Variants in IL5RA observed in about 807,000 individuals in gnomAD.
IL5RA encodes the protein interleukin 5 receptor subunit alpha, also known as interleukin-5 receptor subunit alpha.
In IL5RA, 49 loss-of-function variants were observed where a neutral mutation model predicts 50.0. The ratio of observed to expected loss-of-function variants is 0.98; its 90% confidence interval spans 0.78 to 1.24. The LOEUF (loss-of-function observed/expected upper bound fraction) is 1.24. IL5RA is among the 50% of genes most tolerant of loss of function. IL5RA has a pLI of 0.00. For synonymous variants in IL5RA, 202 were observed against 174.0 expected (o/e 1.16, Z -1.26); for missense variants, 600 against 500.4 (o/e 1.20, Z -1.90).
intron 11 of IL5RA, among the ~76,000 whole-genome samples, chr3:3,072,853 A>C (rs1311394545): frequency 6.6e-6 from 1 of 152,232 alleles, no homozygotes; most frequent in Non-Finnish European, 1.5e-5. Context: ...TGGAGGTTGC[A>C]GTGAGCCGAG....
rs948716476 is a variant in IL5RA at position 3,066,539 on chromosome 3, C to T, written c.*3686G>A. The T allele has an allele frequency of 2.6e-5, 4 of 152,186 alleles. No homozygotes were observed. The highest frequency in any genetic ancestry group is 9.7e-5 in the African/African-American group (4 of 41,438). The allele number at this position is 152,186 out of a possible 1,614,324, so 9.4% of individuals were successfully genotyped here. A position where few individuals can be genotyped will look rare whatever the true frequency, so the allele number is the denominator to read the frequency against. The stretch of plus-strand genomic sequence containing the variant: ...CCTTAGGCTAGCACCAAGTCCTATT[C>T]TAATTAGGTTTTTCACCTTTACTTG... On this transcript the variant is annotated 3_prime_UTR_variant, in exon 12 of 12. Coordinates refer to ENST00000446632, the MANE Select transcript of IL5RA (RefSeq NM_175726.4).
intron 9 of IL5RA, among the ~76,000 whole-genome samples, chr3:3,083,681 A>C (rs1702746326): frequency 6.6e-6 from 1 of 152,302 alleles, no homozygotes; most frequent in Admixed American, 6.5e-5. Flanking sequence ...TATTTTATCA[A>C]CCTGCTAAAG....
At position 3,101,802 on chromosome 3, in the gene IL5RA, C is replaced by A. The variant is rs758033906; in HGVS notation, c.257G>T (p.Cys86Phe). ...AAAGCCTTTGTGGAGGATGGTTACACATTTGCTTTCAGTGATTCTGGTTTC... is the reference window on the plus strand; with the variant it reads ...AAAGCCTTTGTGGAGGATGGTTACAAATTTGCTTTCAGTGATTCTGGTTTC... ...DYETRITESK[C>F]VTILHKGFSA... Residue 86 changes from cysteine to phenylalanine, a missense_variant, in exon 5 of 12, where the codon TGT (cysteine) becomes TTT (phenylalanine). By Grantham distance (205) the Cys-to-Phe change is radical. Coordinates refer to ENST00000446632, the MANE Select transcript of IL5RA (RefSeq NM_175726.4). 6.8e-6 allele frequency: 11 copies of A among 1,613,860 alleles called. No homozygotes were observed. In the East Asian group the frequency reaches 2.5e-4, roughly 36 times the overall value.
chr3:3,099,922 G>A (rs1011536505), intron 5 of IL5RA, among the ~76,000 whole-genome samples: 2 of 152,030 alleles, frequency 1.3e-5, no homozygotes, highest in African/African-American at 2.4e-5. Flanking sequence ...TACCCGCCTC[G>A]GCCTCCCAAA....
chr3:3,075,803 C>T lies in IL5RA; in HGVS notation c.1091+728G>A, dbSNP rs556063103. 8.0e-4 allele frequency among the ~76,000 whole-genome samples: 122 copies of T among 151,942 alleles called. 4 individuals are homozygous for T. In the South Asian group the frequency reaches 0.024, roughly 30 times the overall value. ...TTTTAGTAGAGACGGGGTTTCACCACATTAGCCAGGGTGGTCTCGATCTCC... is the reference window on the plus strand; with the variant it reads ...TTTTAGTAGAGACGGGGTTTCACCATATTAGCCAGGGTGGTCTCGATCTCC... On this transcript the variant is annotated intron_variant, in intron 10 of 11. Transcript: ENST00000446632.
Position 3,092,740 on chromosome 3 carries a change from A to T in IL5RA, c.856-378T>A, listed in dbSNP as rs17886219. Among the ~76,000 whole-genome samples the T allele has an allele frequency of 6.6e-6, 1 of 152,080 alleles. No individual in the cohort carries two copies. The highest frequency in any genetic ancestry group is 1.5e-5 in the Non-Finnish European group (1 of 68,012). ...CTAAATAATGTCACATGAACGCTAGATTGTCTAGTGTTGAAATGAAGCTAT... is the reference window on the plus strand; with the variant it reads ...CTAAATAATGTCACATGAACGCTAGTTTGTCTAGTGTTGAAATGAAGCTAT... On this transcript the variant is annotated intron_variant, in intron 8 of 11. Transcript: ENST00000446632. The surrounding 1 kb of genome is among the most constrained non-coding windows in gnomAD (Gnocchi z 4.2).
intron 5 of IL5RA, 105 bp downstream of exon 5, chr3:3,101,587 A>G: frequency 1.7e-6 from 2 of 1,146,652 alleles, no homozygotes; most frequent in Admixed American, 4.5e-5. Context: ...ACTTGAGAAG[A>G]ACGGGTGACT....
At chr3:3,095,579 C>T in intron 7 of IL5RA, 135 bp from the exon 8 acceptor site, 1 of 719,708 alleles carries the variant, frequency 1.4e-6, no homozygotes, top group Non-Finnish European at 2.3e-6. Flanking sequence ...AGGTCTTAAT[C>T]AACTGATCTC....
chr3:3,093,552 C>T (rs957734063), intron 8 of IL5RA, among the ~76,000 whole-genome samples: 1 of 152,218 alleles, frequency 6.6e-6, no homozygotes, highest in Non-Finnish European at 1.5e-5. Context: ...AACACACGCA[C>T]ACACACGTGC....
rs1448964558 is a variant in IL5RA, at chr3:3,070,270, A to G, written c.1218T>C (p.Tyr406=). The change falls in exon 12 of 12, where the codon TAT becomes TAC. Residue 406 remains tyrosine, a synonymous_variant. Transcript: ENST00000446632. ...GGGTCTCAACTCCAGGCTTCTCTAT[A>G]TAACAGATGACTTCAATTTCCGTCT... ...SSETEIEVIC[Y]IEKPGVETLE... 8 of 1,613,488 alleles carry G rather than the reference A, an allele frequency of 5.0e-6. No individual in the cohort carries two copies. The highest frequency in any genetic ancestry group is 4.0e-5 in the African/African-American group (3 of 74,896).
At chr3:3,085,673 CAA>C (rs1702827376) in intron 9 of IL5RA, among the ~76,000 whole-genome samples, 1 of 152,124 alleles carries the variant, frequency 6.6e-6, no homozygotes, top group African/African-American at 2.4e-5. Flanking sequence ...AATATCAAGT[CAA>C]AAGAAAAAGG....
chr3:3,101,799 A>T lies in IL5RA; in HGVS notation c.260T>A (p.Val87Glu). The change falls in exon 5 of 12, where the codon GTA (valine) becomes GAA (glutamate). Residue 87 changes from valine (V) to glutamate (E), a missense_variant. Val to Glu is a moderately radical substitution (Grantham distance 121, BLOSUM62 -2). Transcript: ENST00000446632. Reference sequence around the variant, plus strand: ...TGAAAAGCCTTTGTGGAGGATGGTTACACATTTGCTTTCAGTGATTCTGGT... The same window carrying T: ...TGAAAAGCCTTTGTGGAGGATGGTTTCACATTTGCTTTCAGTGATTCTGGT... ...YETRITESKC[V>E]TILHKGFSAS... is the part of the protein sequence containing the mutation. The T allele has an allele frequency of 8.1e-6, 13 of 1,614,094 alleles. No individual in the cohort carries two copies. The highest frequency in any genetic ancestry group is 1.1e-5 in the Non-Finnish European group (13 of 1,179,980).
intron 7 of IL5RA, among the ~76,000 whole-genome samples, chr3:3,097,202 A>G (rs556391896): frequency 1.5e-4 from 23 of 152,374 alleles, no homozygotes; most frequent in African/African-American, 5.3e-4. Flanking sequence ...AACCACGAAT[A>G]GAATTTTTAG....
At chr3:3,078,170 C>G (rs1702550840) in intron 9 of IL5RA, among the ~76,000 whole-genome samples, 1 of 152,196 alleles carries the variant, frequency 6.6e-6, no homozygotes, top group African/African-American at 2.4e-5. Flanking sequence ...GGTTACCATG[C>G]TCAGTTTGCC....
chr3:3,098,520 G>A (rs1703473912), intron 5 of IL5RA, among the ~76,000 whole-genome samples: 1 of 152,034 alleles, frequency 6.6e-6, no homozygotes, highest in Admixed American at 6.5e-5. Flanking sequence ...CGATTCTCGT[G>A]CCTCAGCCTC....
chr3:3,100,437 G>T (rs1264670429), intron 5 of IL5RA, among the ~76,000 whole-genome samples: 2 of 152,160 alleles, frequency 1.3e-5, no homozygotes, highest in Non-Finnish European at 2.9e-5. Context: ...TGATGTAAAA[G>T]TAATTGTGAT....
At position 3,068,990 on chromosome 3, in the gene IL5RA, T is replaced by G. The variant is rs1386643034; in HGVS notation, c.*1235A>C. 2 of 152,134 alleles carry G rather than the reference T, an allele frequency of 1.3e-5. No individual in the cohort carries two copies. The highest frequency in any genetic ancestry group is 2.9e-5 in the Non-Finnish European group (2 of 68,036). The allele number at this position is 152,134 out of a possible 1,614,324, so 9.4% of individuals were successfully genotyped here. A position where few individuals can be genotyped will look rare whatever the true frequency, so the allele number is the denominator to read the frequency against. ...TTAAGAAAACAAACAAACCTGGAAA[T>G]ATATGGTAGTCAGTGTGTCCCCACC... On this transcript the variant is annotated 3_prime_UTR_variant, in exon 12 of 12. Transcript: ENST00000446632.
Position 3,070,233 on chromosome 3 carries a change from C to G in IL5RA, c.1255G>C (p.Val419Leu), listed in dbSNP as rs1476761316. ...GGATGCCAAAGTGACAGTCAAAACA[C>G]AGAATCCTCCAGGGTCTCAACTCCA... ...KPGVETLEDS[V>L]F The change falls in exon 12 of 12, where the codon GTG becomes CTG. Residue 419 changes from valine to leucine, a missense_variant. By Grantham distance (32) the Val-to-Leu change is conservative. Transcript: ENST00000446632. The G allele has an allele frequency of 1.2e-6, 2 of 1,610,042 alleles. No homozygotes were observed. The highest frequency in any genetic ancestry group is 1.1e-5 in the South Asian group (1 of 90,866).
Position 3,097,885 on chromosome 3 carries a change from CA to C in IL5RA, c.693del (p.Phe231LeufsTer9). The C allele has an allele frequency of 6.2e-7, 1 of 1,613,718 alleles. No individual in the cohort carries two copies. Among genetic ancestry groups the C allele is most frequent in the Non-Finnish European group, 8.5e-7 (1 of 1,179,746 alleles). ...HSAIRPFDQL[F>X]ALHAIDQINP... ...TCGGTCTTACCAATGGCGTGAAGGG[CA>C]AACAGCTGATCAAAGGGCCTGATAG... On this transcript the variant is annotated frameshift_variant, in exon 7 of 12. Coordinates refer to ENST00000446632, the MANE Select transcript of IL5RA (RefSeq NM_175726.4). LOFTEE classifies it high-confidence loss of function.
Sources: allele counts gnomAD v4.1 joint callset (sites outside exome capture counted in the v4.1 genomes callset), GRCh38; gene constraint gnomAD v4.1.1; non-coding constraint Gnocchi (gnomAD v3.1); transcripts MANE v1.5; gene names NCBI Gene and HGNC (gene_info 2026-07-23, HGNC 2026-07-21).